WDR41: variants seen among roughly 807,000 people sequenced by gnomAD.
WDR41 encodes the protein WD repeat-containing protein 41.
Under a neutral mutation model 69.3 loss-of-function variants are expected in WDR41, and 63 were observed. The observed-to-expected ratio is 0.91, with a 90% confidence interval of 0.74 to 1.12. The LOEUF (loss-of-function observed/expected upper bound fraction) is 1.12. Ranked by LOEUF, WDR41 falls within the 50% of genes most tolerant of loss-of-function variation. The pLI is 0.00. For synonymous variants in WDR41, 185 were observed against 192.1 expected, an observed-to-expected ratio of 0.96 and a Z score of 0.31; for missense variants, 543 against 534.5, an observed-to-expected ratio of 1.02 and a Z score of -0.16.
chr5:77,531,797 C>A (rs1159648866), intron 1 of WDR41, among the ~76,000 whole-genome samples: 1 of 151,854 alleles, frequency 6.6e-6, no homozygotes, highest in African/African-American at 2.4e-5. Flanking sequence ...CTGATACATG[C>A]AACAAGGTGG....
At chr5:77,554,595 G>T (rs1743357109) in intron 1 of WDR41, among the ~76,000 whole-genome samples, 1 of 149,792 alleles carries the variant, frequency 6.7e-6, no homozygotes, top group East Asian at 1.9e-4. Flanking sequence ...AAATAAATTT[G>T]TTATTATTAT....
intron 1 of WDR41, chr5:77,499,203 A>G (rs1801981307): frequency 6.6e-6 from 1 of 152,278 alleles, no homozygotes; most frequent in Non-Finnish European, 1.5e-5. Flanking sequence ...ATGGGGAAGA[A>G]TACCAGAATT....
At chr5:77,557,523 C>T (rs563501104) in intron 1 of WDR41, among the ~76,000 whole-genome samples, 1 of 152,314 alleles carries the variant, frequency 6.6e-6, no homozygotes, top group African/African-American at 2.4e-5. Flanking sequence ...CATTTCACAT[C>T]TGTAAAGCTT....
chr5:77,553,358 G>T (rs150108431), intron 1 of WDR41, among the ~76,000 whole-genome samples: 1 of 152,096 alleles, frequency 6.6e-6, no homozygotes, highest in African/African-American at 2.4e-5. Context: ...AATAGCTGAA[G>T]GGATGTAAAG....
chr5:77,552,644 T>C (rs79943779), intron 1 of WDR41, among the ~76,000 whole-genome samples: 6,937 of 152,256 alleles, frequency 0.046, 184 homozygotes, highest in Middle Eastern at 0.11. Context: ...ATATTAAGCC[T>C]GGCTATATAA....
intron 1 of WDR41, among the ~76,000 whole-genome samples, chr5:77,617,199 G>T (rs923771592): frequency 1.3e-5 from 2 of 152,212 alleles, no homozygotes; most frequent in Admixed American, 6.5e-5. Context: ...TGAAAATGTG[G>T]CTATTGTGAC....
intron 1 of WDR41, chr5:77,582,439 C>T (rs1285528298): frequency 5.0e-6 from 8 of 1,606,452 alleles, no homozygotes; most frequent in South Asian, 4.4e-5. Flanking sequence ...TAAGAAAAAG[C>T]GAAGGAATTT....
At chr5:77,593,499 A>T (rs1290196058) in intron 1 of WDR41, among the ~76,000 whole-genome samples, 1 of 152,222 alleles carries the variant, frequency 6.6e-6, no homozygotes, top group East Asian at 1.9e-4. Context: ...CATATAATGG[A>T]ATATGATACA....
intron 1 of WDR41, among the ~76,000 whole-genome samples, chr5:77,533,713 A>T (rs1325390234): frequency 1.3e-5 from 2 of 152,174 alleles, no homozygotes; most frequent in Non-Finnish European, 2.9e-5. Flanking sequence ...TTCAAAGGAG[A>T]AACAAAAGAG....
intron 1 of WDR41, among the ~76,000 whole-genome samples, chr5:77,598,010 C>T (rs562579999): frequency 2.0e-5 from 3 of 152,300 alleles, no homozygotes; most frequent in East Asian, 1.9e-4. Flanking sequence ...GTGACTTAAC[C>T]TCTCAGATAA....
At chr5:77,487,005 AAT>A (rs1801554872) in intron 2 of WDR41, among the ~76,000 whole-genome samples, 2 of 152,226 alleles carry the variant, frequency 1.3e-5, no homozygotes, top group East Asian at 3.8e-4. Context: ...AATTAAACCA[AAT>A]ATATGTCAGC....
chr5:77,597,939 T>C (rs1325264588), intron 1 of WDR41, among the ~76,000 whole-genome samples: 1 of 152,190 alleles, frequency 6.6e-6, no homozygotes, highest in Non-Finnish European at 1.5e-5. Context: ...CACATTTGGA[T>C]TCAGAAAGAC....
At chr5:77,603,479 C>T (rs1011895174) in intron 1 of WDR41, among the ~76,000 whole-genome samples, 1 of 152,118 alleles carries the variant, frequency 6.6e-6, no homozygotes, top group East Asian at 1.9e-4. Context: ...CATTAGTTTC[C>T]TCTCAGATGC....
At chr5:77,492,604 A>T, upstream of WDR41, 1 of 247,326 alleles carries the variant, frequency 4.0e-6, no homozygotes, top group Non-Finnish European at 7.7e-6. Flanking sequence ...GACCCCGGCG[A>T]GCAAGCGCGC....
rs1285709444 is a variant in WDR41 at position 77,577,317 on chromosome 5, C to T, written c.42+43162G>A. ...ACCCCACTCCCCTGCCCCCTTCCCC[C>T]CACCAAAAAAAAAGAAAAGAAAAAT... is the stretch of plus-strand genomic sequence containing the variant. On this transcript the variant is annotated intron_variant, in intron 1 of 5. Coordinates refer to the WDR41 transcript ENST00000509971. Among the ~76,000 whole-genome samples, 11 of 151,118 alleles carry T rather than the reference C, an allele frequency of 7.3e-5. No homozygotes were observed. The East Asian group carries it at 7.8e-4, about 11-fold the overall frequency.
chr5:77,537,420 G>C (rs998270985), intron 1 of WDR41, among the ~76,000 whole-genome samples: 1 of 152,222 alleles, frequency 6.6e-6, no homozygotes, highest in Non-Finnish European at 1.5e-5. Context: ...ACATGGCCCA[G>C]AGCCTTTATT....
chr5:77,614,534 AC>A (rs1467023178), intron 1 of WDR41, among the ~76,000 whole-genome samples: 1 of 151,134 alleles, frequency 6.6e-6, no homozygotes, highest in African/African-American at 2.4e-5. Flanking sequence ...TTCTCAGTAA[AC>A]TATCGCAAGG....
chr5:77,470,200 A>G (rs1800512222), intron 2 of WDR41, among the ~76,000 whole-genome samples: 1 of 152,000 alleles, frequency 6.6e-6, no homozygotes, highest in African/African-American at 2.4e-5. Context: ...TGAAGGAGAA[A>G]TAAAATACTT....
intron 1 of WDR41, among the ~76,000 whole-genome samples, chr5:77,518,698 C>T (rs185558417): frequency 2.6e-4 from 39 of 152,100 alleles, no homozygotes; most frequent in African/African-American, 8.9e-4. Context: ...GGAATAGCTA[C>T]GAACTTAAAA....
Sources: allele counts gnomAD v4.1 joint callset (sites outside exome capture counted in the v4.1 genomes callset), GRCh38; gene constraint gnomAD v4.1.1; transcripts MANE v1.5; gene names NCBI Gene and HGNC (gene_info 2026-07-23, HGNC 2026-07-21).